ITGA11: variants seen among roughly 807,000 people sequenced by gnomAD.
ITGA11 encodes the protein integrin alpha-11.
Under a neutral mutation model 141.9 loss-of-function variants are expected in ITGA11, and 97 were observed. The ratio of observed to expected loss-of-function variants is 0.68; its 90% CI spans 0.58 to 0.81. ITGA11 has a LOEUF of 0.81. Ranked by LOEUF, ITGA11 falls within the 30% of genes least tolerant of loss-of-function variation. The probability of loss-of-function intolerance (pLI) is 0.00; values close to 1 mark genes in which losing one functional copy is unlikely to be tolerated. For missense variants in ITGA11, 1,387 were observed against 1,559.2 expected (o/e 0.89, Z 1.86); for synonymous variants, 658 against 624.6 (o/e 1.05, Z -0.80).
intron 2 of ITGA11, among the ~76,000 whole-genome samples, chr15:68,375,432 G>A (rs796549735): frequency 7.9e-5 from 12 of 152,348 alleles, no homozygotes; most frequent in African/African-American, 2.9e-4. Flanking sequence ...ATGGGTTCAA[G>A]ATGGGTCTGG....
In ITGA11 at chr15:68,332,416, A is replaced by G. The variant is rs752031111; in HGVS notation, c.1488T>C (p.Asp496=). 77 of 1,611,320 alleles carry G rather than the reference A, an allele frequency of 4.8e-5. No individual in the cohort carries two copies. Among genetic ancestry groups the G allele is most frequent in the Non-Finnish European group, 6.3e-5 (74 of 1,178,980 alleles). Residue 496 remains aspartate, a synonymous_variant, in exon 13 of 30, where the codon GAT becomes GAC. Transcript: ENST00000315757. ...SVDIDGDGVT[D]VLLVGAPMYF... ...ACATGGGTGCGCCCACCAGCAGGAC[A>G]TCAGTCACGCCGTCGCCGTCGATGT... is the stretch of plus-strand genomic sequence containing the variant.
At chr15:68,409,853 C>T (rs1241305849) in intron 1 of ITGA11, among the ~76,000 whole-genome samples, 2 of 152,212 alleles carry the variant, frequency 1.3e-5, no homozygotes, top group Admixed American at 6.5e-5. Context: ...TAGGAAGCGG[C>T]CAGGATGACT....
intron 4 of ITGA11, among the ~76,000 whole-genome samples, chr15:68,364,043 T>A (rs1567145298): frequency 6.6e-6 from 1 of 152,234 alleles, no homozygotes. Flanking sequence ...GCACATACTA[T>A]GGTAAGTGCT....
intron 1 of ITGA11, among the ~76,000 whole-genome samples, chr15:68,431,226 C>G (rs530563131): frequency 4.6e-5 from 7 of 152,340 alleles, no homozygotes; most frequent in Non-Finnish European, 1.0e-4. Context: ...CCCCTCGGGC[C>G]GGAGGTTCCT....
intron 20 of ITGA11, 106 bp downstream of exon 20, chr15:68,320,079 T>G: frequency 1.1e-6 from 1 of 950,270 alleles, no homozygotes; most frequent in Non-Finnish European, 1.6e-6. Flanking sequence ...CATGAGCCAC[T>G]GCATCCAGCT....
At chr15:68,312,702 T>A in intron 24 of ITGA11, 71 bp downstream of exon 24, 1 of 1,163,312 alleles carries the variant, frequency 8.6e-7, no homozygotes, top group East Asian at 2.5e-5. Context: ...TGATTCCACA[T>A]TCCTCCCCTC....
At chr15:68,397,530 A>C (rs1445378185) in intron 2 of ITGA11, among the ~76,000 whole-genome samples, 1 of 67,688 alleles carries the variant, frequency 1.5e-5, no homozygotes, top group Non-Finnish European at 2.3e-5. Context: ...AATATTATAA[A>C]ATATTTAAAA....
intron 3 of ITGA11, 59 bp from the exon 4 acceptor site, chr15:68,364,857 C>T: frequency 2.0e-6 from 3 of 1,515,508 alleles, no homozygotes; most frequent in South Asian, 1.1e-5. Flanking sequence ...CTGCCCAGAG[C>T]CTGCTGCTGG....
At chr15:68,312,961 G>A (rs1304395225) in intron 23 of ITGA11, 98 bp from the exon 24 acceptor site, 8 of 840,696 alleles carry the variant, frequency 9.5e-6, no homozygotes, top group South Asian at 3.1e-5. Context: ...GGCCTCCCCC[G>A]GGCCACGAAA....
At position 68,311,299 on chromosome 15, in the gene ITGA11, G is replaced by C. The variant is rs1453100849; in HGVS notation, c.3078C>G (p.Leu1026=). The part of the protein sequence containing the change: ...GNRLLKLRDF[L]TDEANTSCNI... ...CCAAGGCCATCACCACCTCGTCCGT[G>C]AGGAAGTCCCTCAGCTTCAGTAGGC... Residue 1026 remains leucine, a synonymous_variant, in exon 25 of 30, where the codon CTC becomes CTG. Coordinates refer to ENST00000315757, the MANE Select transcript of ITGA11 (RefSeq NM_001004439.2). The C allele has an allele frequency of 6.4e-7, 1 of 1,567,476 alleles. No homozygotes were observed. Among genetic ancestry groups the C allele is most frequent in the Non-Finnish European group, 8.7e-7 (1 of 1,154,556 alleles).
At position 68,328,718 on chromosome 15, in the gene ITGA11, T is replaced by C. The variant is rs1452076304; in HGVS notation, c.1902-456A>G. Reference sequence around the variant, plus strand: ...AAGCAGTGCCTCTGAAATTTTCATATGTGTGCACGCCCCCTGGGGATCATG... The same window carrying C: ...AAGCAGTGCCTCTGAAATTTTCATACGTGTGCACGCCCCCTGGGGATCATG... On this transcript the variant is annotated intron_variant, in intron 15 of 29. Transcript: ENST00000315757. The surrounding 1 kb of genome is among the most constrained non-coding windows in gnomAD (Gnocchi z 4.8). Among the ~76,000 whole-genome samples, 1 of 152,246 alleles carries C rather than the reference T, an allele frequency of 6.6e-6. No homozygotes were observed. Among genetic ancestry groups the C allele is most frequent in the Non-Finnish European group, 1.5e-5 (1 of 68,048 alleles).
intron 20 of ITGA11, among the ~76,000 whole-genome samples, chr15:68,319,172 C>T (rs549444613): frequency 3.9e-5 from 6 of 152,346 alleles, no homozygotes; most frequent in East Asian, 3.9e-4. Context: ...CAGGCTCAGG[C>T]GCCAGCTGTG....
intron 1 of ITGA11, among the ~76,000 whole-genome samples, chr15:68,428,583 C>T (rs1897197238): frequency 6.6e-6 from 1 of 152,172 alleles, no homozygotes; most frequent in East Asian, 1.9e-4. Flanking sequence ...AGCTGAGGGG[C>T]TTGGCTGTCA....
chr15:68,362,520 A>G (rs1400255029), intron 4 of ITGA11, among the ~76,000 whole-genome samples: 1 of 152,226 alleles, frequency 6.6e-6, no homozygotes, highest in Non-Finnish European at 1.5e-5. Context: ...AGAGGGGAAT[A>G]AAGAATGGAT....
chr15:68,349,828 C>T (rs1399641256), intron 9 of ITGA11, among the ~76,000 whole-genome samples: 3 of 152,186 alleles, frequency 2.0e-5, no homozygotes, highest in Non-Finnish European at 4.4e-5. Context: ...GGAGTGGAAG[C>T]AGTTGGCATA....
Position 68,328,076 on chromosome 15 carries a change from A to G in ITGA11, c.2068+20T>C, listed in dbSNP as rs1361312514. 4 of 1,606,796 alleles carry G rather than the reference A, an allele frequency of 2.5e-6. No homozygotes were observed. The highest frequency in any genetic ancestry group is 2.7e-5 in the African/African-American group (2 of 74,776). ...GAGACTGGAGTCTGGGGGTGGGGAG[A>G]AAGGAGGGGCCTGCTTTACCAACAG... On this transcript the variant is annotated intron_variant, in intron 16 of 29. Coordinates refer to ENST00000315757, the MANE Select transcript of ITGA11 (RefSeq NM_001004439.2). This position sits in a 1 kb window ranked among gnomAD's most constrained non-coding sequence, Gnocchi z 4.8.
In ITGA11 at chr15:68,358,553, G is replaced by A. The variant is rs769583163; in HGVS notation, c.505C>T (p.Leu169=). 3.7e-6 allele frequency: 6 copies of A among 1,613,876 alleles called. No individual in the cohort carries two copies. Among genetic ancestry groups the A allele is most frequent in the Middle Eastern group, 1.6e-4 (1 of 6,080 alleles). ...GGGTAGATGCTGTTGGAGCCATCCA[G>A]GACAATGACGATGTCCATGTAGGTC... is the stretch of plus-strand genomic sequence containing the variant. ...CQTYMDIVIV[L]DGSNSIYPWV... The change falls in exon 6 of 30, where the codon CTG becomes TTG. Residue 169 remains leucine (L), a synonymous_variant. Transcript: ENST00000315757.
intron 1 of ITGA11, among the ~76,000 whole-genome samples, chr15:68,426,283 A>G (rs1307263233): frequency 6.6e-6 from 1 of 152,238 alleles, no homozygotes. Context: ...TTAACTCATT[A>G]GGCCTGAAGC....
chr15:68,381,732 T>C (rs1038176552), intron 2 of ITGA11, among the ~76,000 whole-genome samples: 1 of 152,146 alleles, frequency 6.6e-6, no homozygotes, highest in Non-Finnish European at 1.5e-5. Context: ...AATTTTGTAT[T>C]TTTAGTAGAG....
Sources: allele counts gnomAD v4.1 joint callset (sites outside exome capture counted in the v4.1 genomes callset), GRCh38; gene constraint gnomAD v4.1.1; non-coding constraint Gnocchi (gnomAD v3.1); transcripts MANE v1.5; gene names NCBI Gene and HGNC (gene_info 2026-07-23, HGNC 2026-07-21).